Variants in PDSS2 observed in about 807,000 individuals in gnomAD.
The protein encoded by PDSS2 is decaprenyl diphosphate synthase subunit 2, also known as all trans-polyprenyl-diphosphate synthase PDSS2.
Under a neutral mutation model 44.5 loss-of-function variants are expected in PDSS2, and 31 were observed. The ratio of observed to expected loss-of-function variants is 0.70; its 90% CI spans 0.52 to 0.94. The LOEUF is 0.94. PDSS2 is among the 40% of genes least tolerant of loss of function. The pLI, the probability that PDSS2 is intolerant of heterozygous loss-of-function variation, is 0.00. For missense variants in PDSS2, 452 were observed against 482.2 expected (o/e 0.94, Z 0.59); for synonymous variants, 157 against 180.3 (o/e 0.87, Z 1.03).
intron 3 of PDSS2, among the ~76,000 whole-genome samples, chr6:107,268,839 T>C (rs1775494192): frequency 6.6e-6 from 1 of 152,200 alleles, no homozygotes; most frequent in African/African-American, 2.4e-5. Context: ...GAGGACATAA[T>C]TCTAATTTTA....
intron 3 of PDSS2, 110 bp downstream of exon 3, chr6:107,273,919 A>G (rs1775685785): frequency 2.5e-6 from 2 of 794,422 alleles, no homozygotes; most frequent in Admixed American, 1.7e-5. Flanking sequence ...TTTACTGAGC[A>G]TGTACATGAG....
intron 1 of PDSS2, among the ~76,000 whole-genome samples, chr6:107,434,300 A>C (rs1390646155): frequency 6.6e-6 from 1 of 152,162 alleles, no homozygotes; most frequent in African/African-American, 2.4e-5. Flanking sequence ...AGATAGCTAT[A>C]CTCCCATGTT....
intron 1 of PDSS2, among the ~76,000 whole-genome samples, chr6:107,408,498 T>C (rs1190375596): frequency 2.0e-5 from 3 of 152,232 alleles, no homozygotes; most frequent in Non-Finnish European, 4.4e-5. Flanking sequence ...AGCAGATTAC[T>C]GCATTTAGCC....
At chr6:107,256,853 T>A (rs964632871) in intron 3 of PDSS2, among the ~76,000 whole-genome samples, 2 of 148,934 alleles carry the variant, frequency 1.3e-5, no homozygotes, top group African/African-American at 4.9e-5. Context: ...CATAGGGAGA[T>A]CCTGTCCCAG....
chr6:107,229,189 T>A (rs1773946399), intron 4 of PDSS2, among the ~76,000 whole-genome samples: 3 of 152,048 alleles, frequency 2.0e-5, no homozygotes, highest in Admixed American at 1.3e-4. Flanking sequence ...CTATTTCTGT[T>A]TGTTTTTAGT....
At chr6:107,434,865 G>A (rs547912937) in intron 1 of PDSS2, among the ~76,000 whole-genome samples, 30 of 149,450 alleles carry the variant, frequency 2.0e-4, no homozygotes, top group South Asian at 4.2e-4. Context: ...ATATATATAC[G>A]TGTGTGTGTG....
intron 7 of PDSS2, among the ~76,000 whole-genome samples, chr6:107,175,445 T>TA (rs1284384930): frequency 6.6e-6 from 1 of 152,126 alleles, no homozygotes; most frequent in African/African-American, 2.4e-5. Flanking sequence ...CTTTCACTCT[T>TA]AAACAAACCA....
chr6:107,177,368 C>T (rs968866861), intron 7 of PDSS2, among the ~76,000 whole-genome samples: 5 of 152,110 alleles, frequency 3.3e-5, no homozygotes, highest in African/African-American at 1.2e-4. Flanking sequence ...AACTCCTGAT[C>T]CCAGGTGATC....
intron 4 of PDSS2, among the ~76,000 whole-genome samples, chr6:107,221,341 C>CG (rs1773597901): frequency 4.2e-5 from 2 of 47,142 alleles, no homozygotes; most frequent in African/African-American, 2.3e-4. Flanking sequence ...GACTCCGTCT[C>CG]GAAAAAAAAA....
intron 2 of PDSS2, among the ~76,000 whole-genome samples, chr6:107,311,977 G>A (rs751918295): frequency 1.2e-4 from 18 of 152,198 alleles, no homozygotes; most frequent in Non-Finnish European, 1.9e-4. Flanking sequence ...GCCCAGAAAA[G>A]AGTACTTAGG....
chr6:107,369,277 G>C (rs940950049), intron 1 of PDSS2, among the ~76,000 whole-genome samples: 1 of 152,122 alleles, frequency 6.6e-6, no homozygotes, highest in Non-Finnish European at 1.5e-5. Flanking sequence ...AATTAGCCAG[G>C]CATGGTGGCG....
chr6:107,157,967 G>GGCCTTA (rs1770969336), intron 7 of PDSS2, among the ~76,000 whole-genome samples: 1 of 151,886 alleles, frequency 6.6e-6, no homozygotes, highest in Non-Finnish European at 1.5e-5. Flanking sequence ...CACTGCGCCC[G>GGCCTTA]ACTTAGTGTT....
intron 1 of PDSS2, among the ~76,000 whole-genome samples, chr6:107,339,236 A>T (rs1192395814): frequency 2.0e-5 from 3 of 152,248 alleles, no homozygotes; most frequent in Non-Finnish European, 4.4e-5. Context: ...GTGATTCTAT[A>T]TGGCCTCACT....
intron 2 of PDSS2, among the ~76,000 whole-genome samples, chr6:107,307,667 G>A (rs954292618): frequency 4.6e-5 from 7 of 151,938 alleles, no homozygotes; most frequent in East Asian, 1.9e-4. Flanking sequence ...TACCTTTCAC[G>A]TCTTTATATA....
intron 1 of PDSS2, among the ~76,000 whole-genome samples, chr6:107,432,765 AAAACAAAAAC>A (rs1242263742): frequency 7.0e-6 from 1 of 142,696 alleles, no homozygotes; most frequent in African/African-American, 2.7e-5. Flanking sequence ...CTCAAAAACA[AAAACAAAAAC>A]AAACAAAAAA....
Position 107,207,354 on chromosome 6 carries a change from G to C in PDSS2, c.1008+3085C>G, listed in dbSNP as rs372744919. 2.4e-3 allele frequency among the ~76,000 whole-genome samples: 358 copies of C among 152,108 alleles called. 1 individual carries two copies. The highest frequency in any genetic ancestry group is 8.4e-3 in the African/African-American group (347 of 41,506). On this transcript the variant is annotated intron_variant, in intron 6 of 7. Coordinates refer to ENST00000369037, the MANE Select transcript of PDSS2 (RefSeq NM_020381.4). ...TTCAAAACTGAAGGAGAGGGCTTTA[G>C]GGGAGGGAAGGAAAGGATCTCAAAG...
intron 6 of PDSS2, among the ~76,000 whole-genome samples, chr6:107,207,971 A>ATGACT (rs1367273317): frequency 4.5e-5 from 4 of 88,556 alleles, no homozygotes; most frequent in Non-Finnish European, 7.1e-5. Context: ...TTCTCTGTCT[A>ATGACT]TGACTTGTTT....
Position 107,223,911 on chromosome 6 carries a change from A to G in PDSS2, c.703-11629T>C, listed in dbSNP as rs574528150. ...TGTGGCCTCTTAGGAACTGGGCTGC[A>G]CAGCAAGAGGTGAGCGGTGGGTGAG... On this transcript the variant is annotated intron_variant, in intron 4 of 7. Transcript: ENST00000369037. Among the ~76,000 whole-genome samples the G allele has an allele frequency of 1.2e-4, 18 of 151,384 alleles. 2 individuals are homozygous for G. The highest frequency in any genetic ancestry group is 4.4e-4 in the African/African-American group (18 of 40,710).
At chr6:107,235,624 A>G (rs1774197039) in intron 4 of PDSS2, among the ~76,000 whole-genome samples, 1 of 152,190 alleles carries the variant, frequency 6.6e-6, no homozygotes, top group Admixed American at 6.5e-5. Context: ...CTAGCATCCA[A>G]CAAAATAAAT....
Sources: allele counts gnomAD v4.1 joint callset (sites outside exome capture counted in the v4.1 genomes callset), GRCh38; gene constraint gnomAD v4.1.1; transcripts MANE v1.5; gene names NCBI Gene and HGNC (gene_info 2026-07-23, HGNC 2026-07-21).